NRG1: variants seen among roughly 807,000 people sequenced by gnomAD.
The protein encoded by NRG1 is pro-neuregulin-1, membrane-bound isoform.
In NRG1, 18 loss-of-function variants were observed where a neutral mutation model predicts 63.8. The ratio of observed to expected loss-of-function variants is 0.28; its 90% CI spans 0.19 to 0.42. The LOEUF (loss-of-function observed/expected upper bound fraction) is 0.42. Among genes scored for constraint, NRG1 ranks in the 10% least tolerant of loss-of-function variants. The pLI, the probability that NRG1 is intolerant of heterozygous loss-of-function variation, is 1.00. For missense variants in NRG1, 762 were observed against 814.7 expected (o/e 0.94, Z 0.79); for synonymous variants, 302 against 301.3 (o/e 1.00, Z -0.02).
intron 1 of NRG1, among the ~76,000 whole-genome samples, chr8:31,744,931 A>T (rs931693979): frequency 2.0e-5 from 3 of 151,994 alleles, no homozygotes; most frequent in African/African-American, 7.2e-5. Flanking sequence ...GAATTTTCTA[A>T]CTTTTAACAA....
At chr8:32,623,972 GAGATAT>G (rs199801213) in intron 5 of NRG1, among the ~76,000 whole-genome samples, 216 of 152,158 alleles carry the variant, frequency 1.4e-3, no homozygotes, top group South Asian at 6.6e-3. Flanking sequence ...GTATGTGTAT[GAGATAT>G]AGATATAGAT....
chr8:32,038,389 T>A (rs1291588634), intron 1 of NRG1, among the ~76,000 whole-genome samples: 3 of 152,026 alleles, frequency 2.0e-5, no homozygotes, highest in Non-Finnish European at 4.4e-5. Flanking sequence ...TTGTTCTTGG[T>A]GGAAGCTGCA....
Position 31,686,669 on chromosome 8 carries a change from A to G in NRG1, c.37+47238A>G, listed in dbSNP as rs116899130. On this transcript the variant is annotated intron_variant, in intron 1 of 10. Transcript: ENST00000519301. ...ATAAATTATTATTTGACTTTGTTTT[A>G]CTTTGTCACAATGCTTCTTCAAAGC... 2.1e-3 allele frequency among the ~76,000 whole-genome samples: 322 copies of G among 152,260 alleles called. 2 individuals carry two copies. Among genetic ancestry groups the G allele is most frequent in the Non-Finnish European group, 3.6e-3 (244 of 68,016 alleles).
chr8:32,167,121 G>A (rs944162788), intron 1 of NRG1, among the ~76,000 whole-genome samples: 4 of 152,112 alleles, frequency 2.6e-5, no homozygotes, highest in Admixed American at 2.0e-4. Context: ...AATCAGTGGT[G>A]TTATATAATA....
At chr8:32,421,000 T>C (rs1183166119) in intron 1 of NRG1, among the ~76,000 whole-genome samples, 1 of 152,176 alleles carries the variant, frequency 6.6e-6, no homozygotes, top group Non-Finnish European at 1.5e-5. Context: ...TGCCTGCTTC[T>C]CCTTTGCCTT....
intron 2 of NRG1, among the ~76,000 whole-genome samples, chr8:32,601,830 A>G (rs1053386946): frequency 1.3e-5 from 2 of 151,864 alleles, no homozygotes; most frequent in African/African-American, 4.8e-5. Flanking sequence ...ATCCAAGTTG[A>G]TTGATGCTCT....
intron 5 of NRG1, among the ~76,000 whole-genome samples, chr8:32,698,919 A>G (rs1014834858): frequency 3.3e-5 from 5 of 152,302 alleles, no homozygotes; most frequent in African/African-American, 9.6e-5. Context: ...ACAGAACTTC[A>G]CCTAGATAGA....
chr8:32,615,003 A>G (rs1405542801), intron 4 of NRG1, among the ~76,000 whole-genome samples: 1 of 148,178 alleles, frequency 6.7e-6, no homozygotes, highest in Non-Finnish European at 1.5e-5. Flanking sequence ...AACTTAACAA[A>G]ACAAAACAGA....
In NRG1 at chr8:32,671,233, A is replaced by G. The variant is rs200859316; in HGVS notation, c.502+54348A>G. Among the ~76,000 whole-genome samples the G allele has an allele frequency of 6.6e-5, 10 of 151,460 alleles. No individual in the cohort carries two copies. The East Asian group carries it at 1.8e-3, about 27-fold the overall frequency. ...AGGAGCTCAGTGACAAAGGCCAGGG[A>G]TTATTTTGCTTTTCCTCACCTCTTC... On this transcript the variant is annotated intron_variant, in intron 5 of 11. Coordinates refer to ENST00000356819, the Ensembl canonical transcript of NRG1.
chr8:31,780,638 G>A (rs1168712444), intron 1 of NRG1, among the ~76,000 whole-genome samples: 4 of 152,084 alleles, frequency 2.6e-5, no homozygotes, highest in African/African-American at 9.7e-5. Context: ...TTTTCAATTA[G>A]CAAAGGTTCC....
At position 32,277,963 on chromosome 8, in the gene NRG1, C is replaced by G. The variant is rs1408428014; in HGVS notation, c.38-317865C>G. On this transcript the variant is annotated intron_variant, in intron 1 of 10. Transcript: ENST00000519301. ...GGCTGCTCCAATGAAGGGGATTACT[C>G]TGAAGGCCAGCTTTGGCTCCTGGAT... is the stretch of plus-strand genomic sequence containing the variant. 4.6e-5 allele frequency among the ~76,000 whole-genome samples: 7 copies of G among 152,246 alleles called. No individual in the cohort carries two copies. In the East Asian group the frequency reaches 1.3e-3, roughly 29 times the overall value.
At chr8:31,786,489 A>T (rs1482739978) in intron 1 of NRG1, among the ~76,000 whole-genome samples, 1 of 152,136 alleles carries the variant, frequency 6.6e-6, no homozygotes, top group Non-Finnish European at 1.5e-5. Flanking sequence ...CTACCTGGAG[A>T]TACAGTCAGA....
intron 1 of NRG1, among the ~76,000 whole-genome samples, chr8:32,134,488 C>T (rs1256164804): frequency 6.6e-6 from 1 of 152,064 alleles, no homozygotes; most frequent in Non-Finnish European, 1.5e-5. Context: ...TTTTATTCTC[C>T]AAGGAACCCC....
intron 1 of NRG1, among the ~76,000 whole-genome samples, chr8:31,668,426 G>C (rs1806773753): frequency 6.6e-6 from 1 of 152,198 alleles, no homozygotes; most frequent in Non-Finnish European, 1.5e-5. Context: ...TAGTAACAGA[G>C]AGGGATATCT....
intron 1 of NRG1, among the ~76,000 whole-genome samples, chr8:31,697,859 T>C (rs1403115536): frequency 3.3e-5 from 5 of 151,924 alleles, no homozygotes; most frequent in South Asian, 4.2e-4. Flanking sequence ...TCTTTTCTTC[T>C]TTCCTTCCTT....
At chr8:31,945,460 G>A (rs1165949388) in intron 1 of NRG1, among the ~76,000 whole-genome samples, 3 of 152,076 alleles carry the variant, frequency 2.0e-5, no homozygotes, top group Non-Finnish European at 4.4e-5. Context: ...TTTTCTGGTA[G>A]AGATTTCCCT....
At chr8:32,630,882 T>C (rs116488289) in intron 5 of NRG1, among the ~76,000 whole-genome samples, 4,942 of 152,258 alleles carry the variant, frequency 0.032, 285 homozygotes, top group African/African-American at 0.11. Flanking sequence ...CAAAATCTAC[T>C]TAAAGCCACA....
intron 1 of NRG1, among the ~76,000 whole-genome samples, chr8:31,740,987 G>C (rs569374693): frequency 6.6e-6 from 1 of 152,136 alleles, no homozygotes; most frequent in South Asian, 2.1e-4. Context: ...ACCAACAGTA[G>C]ACTGGATAAA....
chr8:32,586,654 G>C (rs1289809384), intron 1 of NRG1, among the ~76,000 whole-genome samples: 1 of 152,062 alleles, frequency 6.6e-6, no homozygotes, highest in Non-Finnish European at 1.5e-5. Context: ...AAAAGTCCTA[G>C]GTTTAAGTTT....
Sources: gnomAD v4.1 joint callset for allele counts (sites outside exome capture counted in the v4.1 genomes callset) on GRCh38, gnomAD v4.1.1 for gene constraint, MANE v1.5 for transcripts, NCBI Gene and HGNC (gene_info 2026-07-23, HGNC 2026-07-21) for gene names.